DNA2: variants seen among roughly 807,000 people sequenced by gnomAD.
DNA2 encodes DNA replication helicase/nuclease 2, also known as DNA replication ATP-dependent helicase/nuclease DNA2.
DNA2 carries 101 observed loss-of-function variants against 119.1 expected under a neutral mutation model. The ratio of observed to expected loss-of-function variants is 0.85; its 90% CI spans 0.72 to 1.00. The LOEUF (loss-of-function observed/expected upper bound fraction) is 1.00, where lower values mean the gene tolerates loss of function less well. Ranked by LOEUF, DNA2 falls within the 50% of genes least tolerant of loss-of-function variation. The probability of loss-of-function intolerance (pLI) is 0.00; values close to 1 mark genes in which losing one functional copy is unlikely to be tolerated. For missense variants in DNA2, 1,121 were observed against 1,255.5 expected, an observed-to-expected ratio of 0.89 and a Z score of 1.62; for synonymous variants, 366 against 424.4, an observed-to-expected ratio of 0.86 and a Z score of 1.69.
intron 2 of DNA2, among the ~76,000 whole-genome samples, chr10:68,469,673 C>A (rs2052364357): frequency 1.3e-5 from 2 of 151,946 alleles, no homozygotes; most frequent in African/African-American, 4.8e-5. Context: ...CCATGTTGGT[C>A]AGGCTGGTCT....
intron 6 of DNA2, 48 bp from the exon 7 acceptor site, chr10:68,446,461 T>C (rs2052041726): frequency 3.6e-6 from 4 of 1,124,798 alleles, no homozygotes; most frequent in Non-Finnish European, 5.2e-6. Context: ...ACTTCTTGTA[T>C]TTCCTTACAT....
intron 7 of DNA2, 68 bp downstream of exon 7, chr10:68,446,228 T>C: frequency 1.3e-6 from 1 of 785,676 alleles, no homozygotes; most frequent in Non-Finnish European, 2.1e-6. Context: ...CAGGTATAAA[T>C]ATGTATCACT....
upstream of DNA2, chr10:68,472,187 C>T (rs2052391867): frequency 9.4e-6 from 12 of 1,273,486 alleles, no homozygotes; most frequent in Non-Finnish European, 1.2e-5. Flanking sequence ...CGAAACCTCC[C>T]GGGTTCACAC....
chr10:68,445,218 A>C lies in DNA2; in HGVS notation c.1058-135T>G, dbSNP rs1035168064. 30 of 815,632 alleles carry C rather than the reference A, an allele frequency of 3.7e-5. No homozygotes were observed. In the African/African-American group the frequency reaches 4.3e-4, roughly 12 times the overall value. The allele number at this position is 815,632 out of a possible 1,614,324, so 50.5% of individuals were successfully genotyped here. A position where few individuals can be genotyped will look rare whatever the true frequency, so the allele number is the denominator to read the frequency against. On this transcript the variant is annotated intron_variant, in intron 7 of 20. Transcript: ENST00000358410. ...AATGGCTTACGCCTGTAATCCCAAC[A>C]CTTGGGGAGGCTGAGGTGGGCGGAT...
At chr10:68,427,647 TCAAACA>T (rs2051760233) in intron 14 of DNA2, among the ~76,000 whole-genome samples, 1 of 101,614 alleles carries the variant, frequency 9.8e-6, no homozygotes, top group East Asian at 2.5e-4. Context: ...AGACCTTGTC[TCAAACA>T]CACACACACA....
At chr10:68,432,919 C>T (rs557588034) in intron 10 of DNA2, among the ~76,000 whole-genome samples, 1 of 152,220 alleles carries the variant, frequency 6.6e-6, no homozygotes, top group Non-Finnish European at 1.5e-5. Context: ...CCTAGAGTCC[C>T]TTCCCTGGTT....
chr10:68,447,170 C>A (rs1325139024), intron 6 of DNA2, among the ~76,000 whole-genome samples: 1 of 151,928 alleles, frequency 6.6e-6, no homozygotes, highest in African/African-American at 2.4e-5. Context: ...AAAACAAAAA[C>A]GTAGTGAGAT....
chr10:68,465,666 C>T lies in DNA2; in HGVS notation c.587+1G>A. 1 of 1,584,350 alleles carries T rather than the reference C, an allele frequency of 6.3e-7. No homozygotes were observed. Among genetic ancestry groups the T allele is most frequent in the Non-Finnish European group, 8.6e-7 (1 of 1,166,756 alleles). On this transcript the variant is annotated splice_donor_variant, in intron 4 of 20. Coordinates refer to ENST00000358410, the MANE Select transcript of DNA2 (RefSeq NM_001080449.3). LOFTEE classifies it high-confidence loss of function. ...CTGCAGTTCTTCTTATAACTACTTA[C>T]ATTTCCTTCAAATGTCTTATTTCTT...
chr10:68,447,069 A>T (rs1298431401), intron 6 of DNA2, among the ~76,000 whole-genome samples: 1 of 152,162 alleles, frequency 6.6e-6, no homozygotes, highest in Non-Finnish European at 1.5e-5. Flanking sequence ...CTATGTTATG[A>T]TTATTACGTA....
chr10:68,458,076 G>C (rs1352452265), intron 5 of DNA2, among the ~76,000 whole-genome samples: 4 of 152,044 alleles, frequency 2.6e-5, no homozygotes, highest in Admixed American at 2.6e-4. Context: ...AGGAGGCTGA[G>C]GCAGGAGAAT....
intron 6 of DNA2, among the ~76,000 whole-genome samples, chr10:68,448,833 A>AGTGGC (rs1483424001): frequency 5.6e-5 from 7 of 125,994 alleles, no homozygotes; most frequent in Non-Finnish European, 1.1e-4. Context: ...GCTGGGGTGC[A>AGTGGC]GTGGCGTGAT....
In DNA2 at chr10:68,432,501, C is replaced by T. The variant is rs893652897; in HGVS notation, c.1656G>A (p.Ser552=). ...TVTCLLDRNL[S]VLPESTLFRL... ...TGAACAAAGTTGATTCTGGAAGGAC[C>T]GACAAGTTTCTAAAACAACAAAACA... Residue 552 remains serine (S), a synonymous_variant, in exon 11 of 21, where the codon TCG becomes TCA. Transcript: ENST00000358410. The T allele has an allele frequency of 3.2e-6, 5 of 1,543,618 alleles. No individual in the cohort carries two copies. Among genetic ancestry groups the T allele is most frequent in the East Asian group, 2.3e-5 (1 of 43,138 alleles).
In DNA2 at chr10:68,471,797, G is replaced by A. The variant is rs200467869; in HGVS notation, c.68C>T (p.Ala23Val). ...KSFWEEAELP[A>V]ELFQKKVVAS... ...CTCCCCCCTCTCCGCTCACAGCTCC[G>A]CCGGCAGCTCCGCCTCCTCCCAAAA... The change falls in exon 1 of 21, where the codon GCG (alanine) becomes GTG (valine). Residue 23 changes from alanine to valine, a missense_variant. Ala to Val is a moderately conservative substitution (Grantham distance 64). Coordinates refer to ENST00000358410, the MANE Select transcript of DNA2 (RefSeq NM_001080449.3). 1.2e-3 allele frequency: 1,981 copies of A among 1,599,536 alleles called. 5 individuals carry two copies. Among genetic ancestry groups the A allele is most frequent in the Non-Finnish European group, 1.6e-3 (1,835 of 1,174,082 alleles).
At chr10:68,457,705 T>C (rs1286400661) in intron 5 of DNA2, among the ~76,000 whole-genome samples, 1 of 147,424 alleles carries the variant, frequency 6.8e-6, no homozygotes, top group East Asian at 2.0e-4. Flanking sequence ...AAAACATATT[T>C]CCCCTATAAA....
chr10:68,468,395 T>C, intron 2 of DNA2, 89 bp from the exon 3 acceptor site: 1 of 835,230 alleles, frequency 1.2e-6, no homozygotes, highest in Non-Finnish European at 1.7e-6. Context: ...AATAAATGAG[T>C]ATTTTATCTG....
chr10:68,425,470 C>G (rs1018043270), intron 14 of DNA2, among the ~76,000 whole-genome samples: 7 of 150,448 alleles, frequency 4.7e-5, no homozygotes, highest in African/African-American at 1.7e-4. Flanking sequence ...GCGGCGATCT[C>G]GGCTCACCGC....
chr10:68,447,500 G>A (rs1477208022), intron 6 of DNA2, among the ~76,000 whole-genome samples: 1 of 123,476 alleles, frequency 8.1e-6, no homozygotes, highest in Non-Finnish European at 1.6e-5. Flanking sequence ...CTGGGGGACA[G>A]AAGGAGACTT....
At chr10:68,452,026 A>C (rs2052125445) in intron 5 of DNA2, among the ~76,000 whole-genome samples, 1 of 152,194 alleles carries the variant, frequency 6.6e-6, no homozygotes, top group Non-Finnish European at 1.5e-5. Flanking sequence ...TCCTTCCAGA[A>C]TAGTTGAAGA....
At chr10:68,435,596 T>C (rs992763753) in intron 10 of DNA2, among the ~76,000 whole-genome samples, 3 of 152,042 alleles carry the variant, frequency 2.0e-5, no homozygotes, top group African/African-American at 4.8e-5. Context: ...GCTGGGACTA[T>C]AGGCATGTGC....
Sources: gnomAD v4.1 joint callset for allele counts (sites outside exome capture counted in the v4.1 genomes callset) on GRCh38, gnomAD v4.1.1 for gene constraint, MANE v1.5 for transcripts, NCBI Gene and HGNC (gene_info 2026-07-23, HGNC 2026-07-21) for gene names.